ADAMTS14: variants seen among roughly 807,000 people sequenced by gnomAD.
The protein encoded by ADAMTS14 is A disintegrin and metalloproteinase with thrombospondin motifs 14.
ADAMTS14 carries 100 observed loss-of-function variants against 128.6 expected under a neutral mutation model. The ratio of observed to expected loss-of-function variants is 0.78; its 90% confidence interval spans 0.66 to 0.92. The LOEUF is 0.92. Among genes scored for constraint, ADAMTS14 ranks in the 40% least tolerant of loss-of-function variants. The pLI is 0.00. For missense variants in ADAMTS14, 1,562 were observed against 1,658.6 expected, an observed-to-expected ratio of 0.94 and a Z score of 1.01; for synonymous variants, 665 against 653.8, an observed-to-expected ratio of 1.02 and a Z score of -0.26.
chr10:70,757,726 G>T (rs1277106264), intron 19 of ADAMTS14, among the ~76,000 whole-genome samples: 1 of 152,186 alleles, frequency 6.6e-6, no homozygotes. Flanking sequence ...TAGGCTCAGG[G>T]CAATGGCTCT....
chr10:70,702,435 T>C lies in ADAMTS14; in HGVS notation c.646T>C (p.Trp216Arg), dbSNP rs1840524897. 2.5e-6 allele frequency: 4 copies of C among 1,612,804 alleles called. No homozygotes were observed. The highest frequency in any genetic ancestry group is 4.5e-5 in the East Asian group (2 of 44,856). The change falls in exon 3 of 22, where the codon TGG (tryptophan) becomes CGG (arginine). Residue 216 changes from tryptophan (W) to arginine (R), a missense_variant. Physicochemically the swap from Trp to Arg is moderately radical, Grantham distance 101. Transcript: ENST00000373207. ...VYRREAVQQE[W>R]AEPDGDLHNE... ...CCGCCGGGAGGCCGTCCAGCAGGAG[T>C]GGGCAGAACCTGACGGGGACCTGCA...
Position 70,735,188 on chromosome 10 carries a change from G to A in ADAMTS14, c.1372G>A (p.Asp458Asn), listed in dbSNP as rs373853037. 9.9e-6 allele frequency: 16 copies of A among 1,612,144 alleles called. No individual in the cohort carries two copies. Among genetic ancestry groups the A allele is most frequent in the African/African-American group, 1.3e-5 (1 of 74,896 alleles). The part of the protein sequence containing the change: ...RYLPSYDCLL[D>N]DPFDPAWPQP... ...TGGCAGCTCCTACGACTGCCTCCTC[G>A]ATGACCCCTTTGATCCTGCCTGGCC... Residue 458 changes from aspartate to asparagine, a missense_variant, in exon 9 of 22, where the codon GAT becomes AAT. Transcript: ENST00000373207.
chr10:70,681,127 G>A (rs1269567799), intron 2 of ADAMTS14, among the ~76,000 whole-genome samples: 1 of 152,188 alleles, frequency 6.6e-6, no homozygotes, highest in East Asian at 1.9e-4. Flanking sequence ...GGTTTAAAGG[G>A]GAGGCTGAAC....
At chr10:70,677,005 C>A (rs1022405565) in intron 2 of ADAMTS14, among the ~76,000 whole-genome samples, 2 of 152,190 alleles carry the variant, frequency 1.3e-5, no homozygotes, top group African/African-American at 4.8e-5. Context: ...ATGGTGAGAA[C>A]CTAAACTGAG....
chr10:70,693,435 A>G (rs555206278), intron 2 of ADAMTS14, among the ~76,000 whole-genome samples: 7 of 152,276 alleles, frequency 4.6e-5, no homozygotes, highest in African/African-American at 1.4e-4. Flanking sequence ...CAAAGTGACA[A>G]TGGTGATCAT....
intron 14 of ADAMTS14, among the ~76,000 whole-genome samples, chr10:70,744,971 A>G (rs1480984455): frequency 6.6e-6 from 1 of 152,210 alleles, no homozygotes; most frequent in Admixed American, 6.5e-5. Context: ...GAAGAGGGTC[A>G]GGAAAGAGGG....
chr10:70,722,968 A>T lies in ADAMTS14; in HGVS notation c.871-6326A>T, dbSNP rs116350944. Reference sequence around the variant, plus strand: ...GTGACTTTCTTCTCAAGAATTCAGTATGGAAATCAGGGAGCAGAGGGTAAC... The same window carrying T: ...GTGACTTTCTTCTCAAGAATTCAGTTTGGAAATCAGGGAGCAGAGGGTAAC... On this transcript the variant is annotated intron_variant, in intron 4 of 21. Coordinates refer to ENST00000373207, the MANE Select transcript of ADAMTS14 (RefSeq NM_080722.4). Among the ~76,000 whole-genome samples, 1,170 of 152,334 alleles carry T rather than the reference A, an allele frequency of 7.7e-3. 14 individuals carry two copies. The highest frequency in any genetic ancestry group is 0.026 in the African/African-American group (1,100 of 41,564).
chr10:70,704,692 C>A (rs1366913130), intron 3 of ADAMTS14, among the ~76,000 whole-genome samples: 2 of 145,846 alleles, frequency 1.4e-5, no homozygotes, highest in African/African-American at 5.1e-5. Flanking sequence ...CAAACACACA[C>A]CCCCTACACC....
intron 2 of ADAMTS14, among the ~76,000 whole-genome samples, chr10:70,698,822 G>A (rs1340907003): frequency 6.6e-6 from 1 of 152,180 alleles, no homozygotes; most frequent in East Asian, 1.9e-4. Flanking sequence ...CCTGGGGAGA[G>A]GCCTAAGAGT....
In ADAMTS14 at chr10:70,760,662, G is replaced by A. The variant is rs147512108; in HGVS notation, c.3481G>A (p.Gly1161Arg). ...AGGAGCTCTGGATACAAGCTCCCCA[G>A]GGACCCAGCATCCCTTTGCCCCTGA... ...LPGALDTSSP[G>R]TQHPFAPETP... Residue 1161 changes from glycine to arginine, a missense_variant, in exon 22 of 22, where the codon GGG becomes AGG. Gly to Arg is a moderately radical substitution (Grantham distance 125). Coordinates refer to ENST00000373207, the MANE Select transcript of ADAMTS14 (RefSeq NM_080722.4). The A allele has an allele frequency of 1.2e-6, 2 of 1,614,158 alleles. No homozygotes were observed. Among genetic ancestry groups the A allele is most frequent in the Non-Finnish European group, 1.7e-6 (2 of 1,180,020 alleles).
At chr10:70,677,022 C>T (rs1321056866) in intron 2 of ADAMTS14, among the ~76,000 whole-genome samples, 2 of 152,102 alleles carry the variant, frequency 1.3e-5, no homozygotes, top group South Asian at 2.1e-4. Context: ...TGAGGATGAC[C>T]GTCGCTAATA....
intron 10 of ADAMTS14, among the ~76,000 whole-genome samples, chr10:70,737,938 AT>A (rs1841877920): frequency 6.6e-6 from 1 of 152,208 alleles, no homozygotes. Flanking sequence ...AACTTTGCGA[AT>A]TTATGAAAAG....
At chr10:70,750,023 C>A in intron 16 of ADAMTS14, 38 bp downstream of exon 16, 2 of 1,603,732 alleles carry the variant, frequency 1.2e-6, no homozygotes, top group Non-Finnish European at 1.7e-6. Flanking sequence ...CCCTGCCCAC[C>A]CCACTTGTCC....
intron 2 of ADAMTS14, among the ~76,000 whole-genome samples, chr10:70,699,880 G>A (rs1382978108): frequency 1.3e-5 from 2 of 151,830 alleles, no homozygotes; most frequent in Non-Finnish European, 2.9e-5. Flanking sequence ...AGGCGTGATG[G>A]ACCGAGACGG....
At chr10:70,706,158 C>A (rs559005011) in intron 3 of ADAMTS14, among the ~76,000 whole-genome samples, 1 of 152,100 alleles carries the variant, frequency 6.6e-6, no homozygotes, top group Non-Finnish European at 1.5e-5. Flanking sequence ...CTGGAGCCCC[C>A]CCACAGCATC....
chr10:70,706,076 G>A (rs1159019539), intron 3 of ADAMTS14, among the ~76,000 whole-genome samples: 2 of 152,156 alleles, frequency 1.3e-5, no homozygotes, highest in African/African-American at 4.8e-5. Flanking sequence ...TGGCTGGTGG[G>A]CCCTGCTCTG....
chr10:70,682,477 T>C (rs1839839732), intron 2 of ADAMTS14, among the ~76,000 whole-genome samples: 1 of 152,128 alleles, frequency 6.6e-6, no homozygotes. Flanking sequence ...TGGGCTGAAA[T>C]CCCAGCTCTG....
At chr10:70,728,578 C>A (rs1487085798) in intron 4 of ADAMTS14, among the ~76,000 whole-genome samples, 3 of 152,226 alleles carry the variant, frequency 2.0e-5, no homozygotes, top group African/African-American at 7.2e-5. Flanking sequence ...AGCTTCCTGG[C>A]AGAGGAGTGC....
chr10:70,740,889 A>G, intron 11 of ADAMTS14, 98 bp from the exon 12 acceptor site: 1 of 1,304,198 alleles, frequency 7.7e-7, no homozygotes, highest in Non-Finnish European at 1.1e-6. Context: ...TCATGCTATT[A>G]TGAATGGCTG....
Sources: gnomAD v4.1 joint callset for allele counts (sites outside exome capture counted in the v4.1 genomes callset) on GRCh38, gnomAD v4.1.1 for gene constraint, MANE v1.5 for transcripts, NCBI Gene and HGNC (gene_info 2026-07-23, HGNC 2026-07-21) for gene names.